Variants in GPHN observed in about 807,000 individuals in gnomAD.
GPHN encodes the protein gephyrin.
Under a neutral mutation model 95.5 loss-of-function variants are expected in GPHN, and 17 were observed. That is an observed-to-expected ratio of 0.18 (90% CI 0.12 to 0.27). GPHN has a LOEUF of 0.27. GPHN is among the 10% of genes least tolerant of loss of function. The probability of loss-of-function intolerance (pLI) is 1.00; values close to 1 mark genes in which losing one functional copy is unlikely to be tolerated. For synonymous variants in GPHN, 320 were observed against 322.5 expected (o/e 0.99, Z 0.08); for missense variants, 660 against 978.1 (o/e 0.67, Z 4.34).
At chr14:66,622,662 A>G (rs1015197677) in intron 1 of GPHN, among the ~76,000 whole-genome samples, 1 of 152,022 alleles carries the variant, frequency 6.6e-6, no homozygotes, top group Admixed American at 6.5e-5. Context: ...CATCTCTCTC[A>G]AGTTCAAAGT....
chr14:66,698,477 C>T (rs1302428982), intron 2 of GPHN, among the ~76,000 whole-genome samples: 1 of 152,094 alleles, frequency 6.6e-6, no homozygotes, highest in Non-Finnish European at 1.5e-5. Context: ...TAGCAGATAC[C>T]TGGGACTAAT....
chr14:67,376,332 ATTG>A, the GPHN span: 1 of 1,113,086 alleles, frequency 9.0e-7, no homozygotes, highest in Non-Finnish European at 1.2e-6. Context: ...GAGATCTTTT[ATTG>A]TTAAGGAATT....
the GPHN span, chr14:67,620,135 A>G: frequency 7.3e-7 from 1 of 1,373,242 alleles, no homozygotes; most frequent in Non-Finnish European, 1.0e-6. Flanking sequence ...TCCGCCCCCT[A>G]GAACCTGGAG....
the GPHN span, among the ~76,000 whole-genome samples, chr14:67,511,702 G>A: frequency 6.6e-6 from 1 of 152,194 alleles, no homozygotes; most frequent in African/African-American, 2.4e-5. Flanking sequence ...TCCTTTGAAG[G>A]AGCAGGGGGC....
intron 4 of GPHN, among the ~76,000 whole-genome samples, chr14:66,841,670 CA>C (rs1322425860): frequency 1.3e-5 from 2 of 152,100 alleles, no homozygotes; most frequent in Non-Finnish European, 2.9e-5. Context: ...GGGGGAAGAT[CA>C]GGAATTTTAC....
chr14:67,405,630 AAT>A, the GPHN span, among the ~76,000 whole-genome samples: 1 of 152,164 alleles, frequency 6.6e-6, no homozygotes, highest in Non-Finnish European at 1.5e-5. Context: ...ATGGTATCCC[AAT>A]TCTGACATTA....
chr14:67,510,316 G>A, the GPHN span, among the ~76,000 whole-genome samples: 20 of 152,352 alleles, frequency 1.3e-4, no homozygotes, highest in Admixed American at 2.0e-4. Context: ...GGTCACACAA[G>A]TGAGTGAGTC....
intron 4 of GPHN, among the ~76,000 whole-genome samples, chr14:66,826,390 A>T (rs2061386551): frequency 6.6e-6 from 1 of 152,050 alleles, no homozygotes. Context: ...CAGATATCAA[A>T]TGTCCTTCTT....
At chr14:67,006,434 A>C (rs2072615191) in intron 9 of GPHN, among the ~76,000 whole-genome samples, 1 of 152,046 alleles carries the variant, frequency 6.6e-6, no homozygotes, top group Non-Finnish European at 1.5e-5. Flanking sequence ...CTATACCAAC[A>C]CTCAGCAATT....
rs536635153 is a variant in GPHN at position 66,835,110 on chromosome 14, T to A, written c.294+10544T>A. On this transcript the variant is annotated intron_variant, in intron 4 of 22. Coordinates refer to ENST00000478722, the MANE Select transcript of GPHN (RefSeq NM_020806.5). ...TGGGATCGGTAGTGATATCCCCTTT[T>A]TCATTTTTTATTGTGTCTATTTGAT... Among the ~76,000 whole-genome samples the A allele has an allele frequency of 6.7e-3, 1,006 of 149,596 alleles. 6 individuals are homozygous for A. Among genetic ancestry groups the A allele is most frequent in the Middle Eastern group, 0.01 (3 of 290 alleles).
chr14:67,329,308 G>T, the GPHN span, among the ~76,000 whole-genome samples: 1 of 152,176 alleles, frequency 6.6e-6, no homozygotes, highest in Non-Finnish European at 1.5e-5. Context: ...GAATGCTTGT[G>T]ATTTCTGCAC....
the GPHN span, among the ~76,000 whole-genome samples, chr14:67,351,732 G>C: frequency 6.6e-6 from 1 of 151,774 alleles, no homozygotes; most frequent in East Asian, 1.9e-4. Context: ...TGTTGCCCAG[G>C]CTGGTCTCAA....
chr14:67,471,763 C>T, the GPHN span: 1 of 152,372 alleles, frequency 6.6e-6, no homozygotes, highest in African/African-American at 2.4e-5. Flanking sequence ...CACCCTGCAC[C>T]CCACCACACC....
At chr14:66,563,996 G>C (rs1760418575) in intron 1 of GPHN, among the ~76,000 whole-genome samples, 1 of 152,054 alleles carries the variant, frequency 6.6e-6, no homozygotes. Context: ...ATGAATACTT[G>C]CATGTTTCAT....
At chr14:66,845,055 T>A (rs1264715220) in intron 4 of GPHN, among the ~76,000 whole-genome samples, 1 of 152,196 alleles carries the variant, frequency 6.6e-6, no homozygotes, top group Admixed American at 6.5e-5. Flanking sequence ...GTATTAGAAT[T>A]TCATCCCTTT....
intron 11 of GPHN, among the ~76,000 whole-genome samples, chr14:67,071,633 A>G (rs934393775): frequency 4.6e-5 from 7 of 152,062 alleles, no homozygotes; most frequent in Non-Finnish European, 8.8e-5. Context: ...AAAGTATAAT[A>G]ATAAAAAATT....
At chr14:67,537,884 G>A in the GPHN span, among the ~76,000 whole-genome samples, 5 of 152,228 alleles carry the variant, frequency 3.3e-5, no homozygotes, top group South Asian at 2.1e-4. Context: ...TTTCAGTCCC[G>A]GGTGTTGGAG....
the GPHN span, among the ~76,000 whole-genome samples, chr14:67,416,337 G>C: frequency 6.6e-6 from 1 of 152,170 alleles, no homozygotes; most frequent in Non-Finnish European, 1.5e-5. Context: ...ACGTCCCCTG[G>C]AAGAGACTCA....
intron 5 of GPHN, among the ~76,000 whole-genome samples, chr14:66,885,587 T>C (rs1217657827): frequency 9.9e-5 from 15 of 152,142 alleles, no homozygotes; most frequent in Admixed American, 9.8e-4. Context: ...CTGCCATTGT[T>C]TCAACCCACA....
Sources: allele counts gnomAD v4.1 joint callset (sites outside exome capture counted in the v4.1 genomes callset), GRCh38; gene constraint gnomAD v4.1.1; transcripts MANE v1.5; gene names NCBI Gene and HGNC (gene_info 2026-07-23, HGNC 2026-07-21).